Variants in SMARCA4 observed in about 807,000 individuals in gnomAD.
SMARCA4 encodes the protein SWI/SNF related BAF chromatin remodeling complex subunit ATPase 4, also known as SWI/SNF-related matrix-associated actin-dependent regulator of chromatin subfamily A member 4.
Under a neutral mutation model 193.9 loss-of-function variants are expected in SMARCA4, and 31 were observed. The observed-to-expected ratio is 0.16, with a 90% confidence interval of 0.12 to 0.22. SMARCA4 has a LOEUF of 0.22. Among genes scored for constraint, SMARCA4 ranks in the 10% least tolerant of loss-of-function variants. The pLI, the probability that SMARCA4 is intolerant of heterozygous loss-of-function variation, is 1.00. For synonymous variants in SMARCA4, 942 were observed against 933.1 expected (o/e 1.01, Z -0.17); for missense variants, 1,148 against 2,296.0 (o/e 0.50, Z 10.22).
chr19:10,984,291 C>T lies in SMARCA4; in HGVS notation c.140C>T (p.Pro47Leu), dbSNP rs1284152280. Reference sequence around the variant, plus strand: ...GCCCACAGCATGATGGGGCCCAGCCCAGGGCCGCCCTCAGCAGGACACCCC... The same window carrying T: ...GCCCACAGCATGATGGGGCCCAGCCTAGGGCCGCCCTCAGCAGGACACCCC... Reference protein sequence around the residue: ...GSAHSMMGPSPGPPSAGHPIP... With the variant: ...GSAHSMMGPSLGPPSAGHPIP... Residue 47 changes from proline to leucine, a missense_variant, in exon 2 of 35, where the codon CCA (proline) becomes CTA (leucine). By Grantham distance (98) the Pro-to-Leu change is moderately conservative. This residue lies in a region of SMARCA4 where 201 missense variants were observed against 248.3 expected (regional missense o/e 0.81). Coordinates refer to ENST00000344626, the MANE Select transcript of SMARCA4 (RefSeq NM_003072.5). The surrounding 1 kb of genome is among the most constrained non-coding windows in gnomAD (Gnocchi z 4.3). 6.2e-7 allele frequency: 1 copy of T among 1,608,740 alleles called. No individual in the cohort carries two copies. Among genetic ancestry groups the T allele is most frequent in the Non-Finnish European group, 8.5e-7 (1 of 1,178,120 alleles).
At chr19:11,035,280 T>C in intron 29 of SMARCA4, 148 bp downstream of exon 29, 1 of 788,748 alleles carries the variant, frequency 1.3e-6, no homozygotes, top group East Asian at 2.7e-5. Context: ...GCCGAGAGCC[T>C]TCCGATGTGG....
chr19:11,005,946 T>C (rs1407303770), intron 13 of SMARCA4, among the ~76,000 whole-genome samples: 1 of 152,220 alleles, frequency 6.6e-6, no homozygotes, highest in Non-Finnish European at 1.5e-5. Flanking sequence ...CATTTGGGTT[T>C]AGCCAGAAGT....
chr19:11,059,101 C>G, intron 32 of SMARCA4: 1 of 536,142 alleles, frequency 1.9e-6, no homozygotes. Context: ...ATAACAAGAC[C>G]CTGTCTTTAA....
chr19:10,978,170 A>C (rs575510694), intron 1 of SMARCA4, among the ~76,000 whole-genome samples: 1 of 152,286 alleles, frequency 6.6e-6, no homozygotes, highest in Non-Finnish European at 1.5e-5. Context: ...AGGGAGGTGA[A>C]GGCAAGCCAC....
chr19:11,045,668 C>G (rs558671377), intron 30 of SMARCA4, among the ~76,000 whole-genome samples: 2 of 151,090 alleles, frequency 1.3e-5, no homozygotes, highest in East Asian at 3.9e-4. Flanking sequence ...GTTTTAGACT[C>G]ACAGAGCCCT....
rs2145718449 is a variant in SMARCA4 at position 10,984,100 on chromosome 19, C to G, written c.-31-21C>G. ...CTCGCCCTTGGTCATGAACCCCAGACTGACCAGGACTGTCTTCCAGCAGGA... is the reference window on the plus strand; with the variant it reads ...CTCGCCCTTGGTCATGAACCCCAGAGTGACCAGGACTGTCTTCCAGCAGGA... On this transcript the variant is annotated intron_variant, in intron 1 of 34. Coordinates refer to ENST00000344626, the MANE Select transcript of SMARCA4 (RefSeq NM_003072.5). This position sits in a 1 kb window ranked among gnomAD's most constrained non-coding sequence, Gnocchi z 4.3. The G allele has an allele frequency of 6.2e-7, 1 of 1,610,830 alleles. No individual in the cohort carries two copies. Among genetic ancestry groups the G allele is most frequent in the Non-Finnish European group, 8.5e-7 (1 of 1,177,828 alleles).
Position 11,056,467 on chromosome 19 carries a change from G to A in SMARCA4, c.4425-1788G>A, listed in dbSNP as rs2076552922. 3.3e-5 allele frequency: 5 copies of A among 152,452 alleles called. No individual in the cohort carries two copies. The South Asian group carries it at 1.0e-3, about 32-fold the overall frequency. The allele number at this position is 152,452 out of a possible 1,614,324, so 9.4% of individuals were successfully genotyped here. A position where few individuals can be genotyped will look rare whatever the true frequency, so the allele number is the denominator to read the frequency against. Reference sequence around the variant, plus strand: ...CAGGAGATGGGGAGATGTACTTCATGAACACACGTTGGGGAAGGACACTCC... The same window carrying A: ...CAGGAGATGGGGAGATGTACTTCATAAACACACGTTGGGGAAGGACACTCC... On this transcript the variant is annotated intron_variant, in intron 30 of 34. Transcript: ENST00000344626.
intron 30 of SMARCA4, chr19:11,047,495 G>T (rs1362429166): frequency 6.6e-6 from 1 of 150,886 alleles, no homozygotes; most frequent in African/African-American, 2.5e-5. Context: ...TGTAACCTCT[G>T]CCTCCTGGGT....
At chr19:11,037,804 T>C (rs577534094) in intron 29 of SMARCA4, among the ~76,000 whole-genome samples, 2 of 152,346 alleles carry the variant, frequency 1.3e-5, no homozygotes, top group Admixed American at 1.3e-4. Context: ...TTAAATTTTA[T>C]ACATGATGTG....
At position 11,019,853 on chromosome 19, in the gene SMARCA4, A is replaced by T. The variant is rs548519645; in HGVS notation, c.2616+152A>T. On this transcript the variant is annotated intron_variant, in intron 18 of 34. Transcript: ENST00000344626. The surrounding 1 kb of genome is among the most constrained non-coding windows in gnomAD (Gnocchi z 6.1). ...GCTGCCCTGTGTAGGGGAAAGGCCT[A>T]GGTGGGGGCGACCTCAGGTTTACCT... is the stretch of plus-strand genomic sequence containing the variant. 8 of 683,604 alleles carry T rather than the reference A, an allele frequency of 1.2e-5. No individual in the cohort carries two copies. The South Asian group carries it at 1.3e-4, about 11-fold the overall frequency. The allele number at this position is 683,604 out of a possible 1,614,324, so 42.3% of individuals were successfully genotyped here.
rs183433924 is a variant in SMARCA4 at position 11,019,750 on chromosome 19, C to A, written c.2616+49C>A. 1 of 1,304,996 alleles carries A rather than the reference C, an allele frequency of 7.7e-7. No individual in the cohort carries two copies. The highest frequency in any genetic ancestry group is 1.1e-6 in the Non-Finnish European group (1 of 906,268). The allele number at this position is 1,304,996 out of a possible 1,614,324, so 80.8% of individuals were successfully genotyped here. ...CCAGGCCATGGGCCGAGTGCTCACA[C>A]GTGGGTCACGCTGCCCGTCTCCTCC... On this transcript the variant is annotated intron_variant, in intron 18 of 34. Coordinates refer to ENST00000344626, the MANE Select transcript of SMARCA4 (RefSeq NM_003072.5). The surrounding 1 kb of genome is among the most constrained non-coding windows in gnomAD (Gnocchi z 6.1).
intron 18 of SMARCA4, among the ~76,000 whole-genome samples, chr19:11,020,019 A>C (rs1490447003): frequency 6.6e-6 from 1 of 152,106 alleles, no homozygotes; most frequent in Non-Finnish European, 1.5e-5. Flanking sequence ...CAGAGTCCCC[A>C]TGGGGCCTTG....
At chr19:11,047,865 G>A (rs1012329779) in intron 30 of SMARCA4, 1 of 152,200 alleles carries the variant, frequency 6.6e-6, no homozygotes, top group South Asian at 2.1e-4. Flanking sequence ...AACAAAGACA[G>A]CCATTAGGTG....
intron 23 of SMARCA4, among the ~76,000 whole-genome samples, chr19:11,026,619 C>T (rs566900130): frequency 1.3e-5 from 2 of 151,644 alleles, no homozygotes; most frequent in Admixed American, 1.3e-4. Context: ...CCTGCCTCAG[C>T]CTCCCGAGTA....
rs374224953 is a variant in SMARCA4, at chr19:10,985,380, C to T, written c.330C>T (p.Pro110=). 1 of 1,613,998 alleles carries T rather than the reference C, an allele frequency of 6.2e-7. No homozygotes were observed. The highest frequency in any genetic ancestry group is 8.5e-7 in the Non-Finnish European group (1 of 1,179,996). The change falls in exon 3 of 35, where the codon CCC becomes CCT. Residue 110 remains proline, a synonymous_variant. Transcript: ENST00000344626. The surrounding 1 kb of genome is among the most constrained non-coding windows in gnomAD (Gnocchi z 4.5). ...GCCATGCTGGGATGGGGCCCCCGCC[C>T]AGCCCCATGGACCAGCACTCCCAAG... The part of the protein sequence containing the change: ...SGGHAGMGPP[P]SPMDQHSQGY...
chr19:11,029,422 G>A (rs2090487307), intron 24 of SMARCA4, among the ~76,000 whole-genome samples: 1 of 152,256 alleles, frequency 6.6e-6, no homozygotes, highest in Admixed American at 6.5e-5. Flanking sequence ...ATGGCCACAG[G>A]GCCAGAGAAT....
chr19:11,035,906 A>G (rs1157998846), intron 29 of SMARCA4, among the ~76,000 whole-genome samples: 1 of 152,252 alleles, frequency 6.6e-6, no homozygotes, highest in Non-Finnish European at 1.5e-5. Context: ...TTCAGAATCC[A>G]TCCCTGAAGT....
Position 11,013,050 on chromosome 19 carries a change from C to T in SMARCA4, c.2376C>T (p.Leu792=), listed in dbSNP as rs568699320. ...GGAAGACCATCCAGACCATCGCGCT[C>T]ATCACGTACCTCATGGAGCACAAAC... ...GLGKTIQTIA[L]ITYLMEHKRI... Residue 792 remains leucine, a synonymous_variant, in exon 16 of 35, where the codon CTC becomes CTT. Coordinates refer to ENST00000344626, the MANE Select transcript of SMARCA4 (RefSeq NM_003072.5). 1.2e-6 allele frequency: 2 copies of T among 1,614,182 alleles called. No individual in the cohort carries two copies. Among genetic ancestry groups the T allele is most frequent in the Admixed American group, 1.7e-5 (1 of 60,028 alleles).
intron 29 of SMARCA4, among the ~76,000 whole-genome samples, chr19:11,038,377 G>C (rs760673505): frequency 1.6e-4 from 25 of 152,312 alleles, no homozygotes; most frequent in Non-Finnish European, 3.4e-4. Context: ...CGAGGTTCCA[G>C]GTAGACATGA....
Sources: allele counts gnomAD v4.1 joint callset (sites outside exome capture counted in the v4.1 genomes callset), GRCh38; gene constraint gnomAD v4.1.1; regional missense constraint gnomAD v4.1.1; non-coding constraint Gnocchi (gnomAD v3.1); transcripts MANE v1.5; gene names NCBI Gene and HGNC (gene_info 2026-07-23, HGNC 2026-07-21).